COL24A1: variants seen among roughly 807,000 people sequenced by gnomAD.
COL24A1 encodes the protein collagen alpha-1(XXIV) chain.
A neutral mutation model predicts 253.9 loss-of-function variants in COL24A1; 224 were observed. The observed-to-expected ratio is 0.88, with a 90% CI of 0.79 to 0.99. The LOEUF (loss-of-function observed/expected upper bound fraction) is 0.99. Among genes scored for constraint, COL24A1 ranks in the 50% least tolerant of loss-of-function variants. The pLI, the probability that COL24A1 is intolerant of heterozygous loss-of-function variation, is 0.00. For missense variants in COL24A1, 2,131 were observed against 2,068.5 expected (o/e 1.03, Z -0.59); for synonymous variants, 685 against 673.7 (o/e 1.02, Z -0.26).
chr1:85,985,316 T>C (rs1693628855), intron 20 of COL24A1, among the ~76,000 whole-genome samples: 1 of 151,814 alleles, frequency 6.6e-6, no homozygotes, highest in Non-Finnish European at 1.5e-5. Context: ...TGAGTAAGTA[T>C]GGCATGGTTT....
chr1:85,881,219 A>G (rs973388343), intron 32 of COL24A1, among the ~76,000 whole-genome samples: 1 of 150,684 alleles, frequency 6.6e-6, no homozygotes, highest in Non-Finnish European at 1.5e-5. Context: ...CTTTATCAAT[A>G]CAGGTTGAGG....
At chr1:86,156,885 A>C (rs1321437973), upstream of COL24A1, 2 of 152,598 alleles carry the variant, frequency 1.3e-5, no homozygotes. Context: ...TCAAACAAGC[A>C]CACACACCCA....
At chr1:85,988,971 T>C (rs976305994) in intron 19 of COL24A1, among the ~76,000 whole-genome samples, 1 of 152,182 alleles carries the variant, frequency 6.6e-6, no homozygotes, top group Non-Finnish European at 1.5e-5. Flanking sequence ...ATATGTTTAA[T>C]ACAAACTTGT....
chr1:85,802,135 A>G (rs1337098431), intron 47 of COL24A1, among the ~76,000 whole-genome samples: 1 of 152,192 alleles, frequency 6.6e-6, no homozygotes, highest in Non-Finnish European at 1.5e-5. Flanking sequence ...GTCCCCTTCC[A>G]ATCCATTTAC....
At chr1:85,851,508 T>C (rs992467702) in intron 37 of COL24A1, among the ~76,000 whole-genome samples, 20 of 152,294 alleles carry the variant, frequency 1.3e-4, no homozygotes, top group African/African-American at 4.1e-4. Context: ...TCTTCAAGCA[T>C]ATCAGATATT....
intron 35 of COL24A1, among the ~76,000 whole-genome samples, chr1:85,870,093 A>T (rs150256085): frequency 0.01 from 1,565 of 152,322 alleles, 29 homozygotes; most frequent in African/African-American, 0.036. Context: ...ATCAAAAGAG[A>T]CAAAGAGGGC....
chr1:86,063,115 T>C (rs1431634813), intron 8 of COL24A1, among the ~76,000 whole-genome samples: 1 of 152,146 alleles, frequency 6.6e-6, no homozygotes, highest in Non-Finnish European at 1.5e-5. Flanking sequence ...TAATGATATA[T>C]TATTTTCTGA....
At chr1:85,911,801 C>G (rs1470576018) in intron 24 of COL24A1, among the ~76,000 whole-genome samples, 2 of 151,922 alleles carry the variant, frequency 1.3e-5, no homozygotes, top group South Asian at 4.1e-4. Flanking sequence ...CTGTAACTAC[C>G]TTTTTTGAAA....
intron 31 of COL24A1, among the ~76,000 whole-genome samples, chr1:85,891,177 A>T (rs1420372430): frequency 6.7e-6 from 1 of 149,978 alleles, no homozygotes; most frequent in African/African-American, 2.5e-5. Flanking sequence ...CGGCCTCCCG[A>T]GTAGCTGGGA....
At position 86,041,616 on chromosome 1, in the gene COL24A1, G is replaced by T. The variant is rs185687184; in HGVS notation, c.1950+5209C>A. On this transcript the variant is annotated intron_variant, in intron 12 of 59. Coordinates refer to ENST00000370571, the MANE Select transcript of COL24A1 (RefSeq NM_152890.7). ...TGGAGTGAGGTATAAGAAATCTAAA[G>T]TTATCAAATACATAACAAATCCCCT... 7.9e-5 allele frequency among the ~76,000 whole-genome samples: 12 copies of T among 152,124 alleles called. No homozygotes were observed. In the East Asian group the frequency reaches 2.3e-3, roughly 29 times the overall value.
At chr1:85,866,988 T>C (rs1679866696) in intron 37 of COL24A1, among the ~76,000 whole-genome samples, 1 of 152,218 alleles carries the variant, frequency 6.6e-6, no homozygotes, top group Non-Finnish European at 1.5e-5. Flanking sequence ...CTTCAAATGT[T>C]ACTTTGAAAT....
intron 6 of COL24A1, among the ~76,000 whole-genome samples, chr1:86,089,926 CA>C (rs1200428504): frequency 6.6e-6 from 1 of 152,170 alleles, no homozygotes; most frequent in African/African-American, 2.4e-5. Context: ...TTTCTGTGAG[CA>C]CCTGCAGCCT....
intron 12 of COL24A1, among the ~76,000 whole-genome samples, chr1:86,043,084 C>A (rs1488983886): frequency 6.6e-6 from 1 of 152,068 alleles, no homozygotes; most frequent in African/African-American, 2.4e-5. Flanking sequence ...AAAGTCAAGT[C>A]ATTTACTAAT....
chr1:85,874,576 T>G, intron 35 of COL24A1, 73 bp downstream of exon 35: 1 of 1,362,620 alleles, frequency 7.3e-7, no homozygotes, highest in Non-Finnish European at 1.0e-6. Context: ...TTTTTGAGTG[T>G]TTCGAATAAT....
rs75125570 is a variant in COL24A1, at chr1:85,964,173, T to C, written c.2517+836A>G. Among the ~76,000 whole-genome samples, 881 of 152,262 alleles carry C rather than the reference T, an allele frequency of 5.8e-3. 7 individuals carry two copies. Among genetic ancestry groups the C allele is most frequent in the African/African-American group, 0.02 (841 of 41,572 alleles). ...AGTAATAATGCTGTGACTATGTCAA[T>C]TCATAGTTAAATTTTCAATTTGCAA... On this transcript the variant is annotated intron_variant, in intron 23 of 59. Coordinates refer to ENST00000370571, the MANE Select transcript of COL24A1 (RefSeq NM_152890.7).
intron 28 of COL24A1, among the ~76,000 whole-genome samples, chr1:85,906,810 C>T (rs1422504256): frequency 6.6e-6 from 1 of 151,668 alleles, no homozygotes; most frequent in Non-Finnish European, 1.5e-5. Context: ...ATCTTTGTTC[C>T]ACTTCTTATT....
intron 20 of COL24A1, among the ~76,000 whole-genome samples, chr1:85,981,245 A>G (rs1032455442): frequency 3.3e-5 from 5 of 152,124 alleles, no homozygotes; most frequent in African/African-American, 9.7e-5. Flanking sequence ...CCTGACTCCA[A>G]ACTAGGCTAT....
rs181988908 is a variant in COL24A1 at position 85,800,596 on chromosome 1, T to C, written c.3952-14135A>G. Among the ~76,000 whole-genome samples, 92 of 152,170 alleles carry C rather than the reference T, an allele frequency of 6.0e-4. No individual in the cohort carries two copies. The East Asian group carries it at 0.014, about 23-fold the overall frequency. On this transcript the variant is annotated intron_variant, in intron 47 of 59. Transcript: ENST00000370571. ...GTTTGGAAAATGAGCAGAATTAAAG[T>C]GATGTCAGGAAGCCAGAATTTGAAC...
chr1:85,890,302 C>A (rs1043507505), intron 31 of COL24A1, among the ~76,000 whole-genome samples: 6 of 152,026 alleles, frequency 3.9e-5, no homozygotes, highest in African/African-American at 9.7e-5. Context: ...CTCTGTTTAA[C>A]TTCTTGACAA....
Sources: allele counts gnomAD v4.1 joint callset (sites outside exome capture counted in the v4.1 genomes callset), GRCh38; gene constraint gnomAD v4.1.1; transcripts MANE v1.5; gene names NCBI Gene and HGNC (gene_info 2026-07-23, HGNC 2026-07-21).